ANKHD1: variants seen among roughly 807,000 people sequenced by gnomAD.
ANKHD1 encodes ankyrin repeat and KH domain-containing protein 1.
Under a neutral mutation model 230.5 loss-of-function variants are expected in ANKHD1, and 31 were observed. The observed-to-expected ratio is 0.13, with a 90% CI of 0.10 to 0.18. ANKHD1 has a LOEUF of 0.18. ANKHD1 is among the 10% of genes least tolerant of loss of function. ANKHD1 has a pLI of 1.00. For synonymous variants in ANKHD1, 1,074 were observed against 1,117.6 expected (o/e 0.96, Z 0.78); for missense variants, 2,256 against 3,071.3 (o/e 0.73, Z 6.27).
Position 140,529,024 on chromosome 5 carries a change from C to T in ANKHD1, c.6078C>T (p.Pro2026=), listed in dbSNP as rs749012441. Residue 2026 remains proline (P), a synonymous_variant, in exon 29 of 34, where the codon CCC becomes CCT. Coordinates refer to ENST00000360839, the MANE Select transcript of ANKHD1 (RefSeq NM_017747.3). The part of the protein sequence containing the change: ...QKMESFSAVP[P]TKEKVSTQDQ... ...TGGAGTCTTTCTCTGCTGTGCCACC[C>T]ACCAAAGAGAAAGTGTCCACACAGG... The T allele has an allele frequency of 6.2e-6, 10 of 1,614,144 alleles. No individual in the cohort carries two copies. The highest frequency in any genetic ancestry group is 5.1e-6 in the Non-Finnish European group (6 of 1,180,046).
At chr5:140,483,883 T>C (rs1033096242) in intron 11 of ANKHD1, among the ~76,000 whole-genome samples, 1 of 152,208 alleles carries the variant, frequency 6.6e-6, no homozygotes, top group South Asian at 2.1e-4. Context: ...GTAAAAGCTG[T>C]TTACCTCAAC....
intron 15 of ANKHD1, among the ~76,000 whole-genome samples, chr5:140,501,162 G>A (rs1429358894): frequency 2.8e-5 from 4 of 144,406 alleles, no homozygotes; most frequent in Admixed American, 7.2e-5. Context: ...TGCAACCTCC[G>A]CCTCCCAGGT....
intron 9 of ANKHD1, among the ~76,000 whole-genome samples, chr5:140,462,313 G>T (rs1287383193): frequency 6.6e-6 from 1 of 152,026 alleles, no homozygotes; most frequent in Non-Finnish European, 1.5e-5. Flanking sequence ...TTCCTTAGGG[G>T]TTACAAAGGG....
chr5:140,500,116 G>T (rs1032689676), intron 15 of ANKHD1, among the ~76,000 whole-genome samples: 3 of 152,018 alleles, frequency 2.0e-5, no homozygotes, highest in African/African-American at 4.8e-5. Flanking sequence ...TGATCCACCT[G>T]CATCGGCCTC....
intron 10 of ANKHD1, among the ~76,000 whole-genome samples, chr5:140,475,811 T>C (rs1416445475): frequency 6.6e-6 from 1 of 151,980 alleles, no homozygotes; most frequent in Admixed American, 6.6e-5. Context: ...GAAAAGAAAC[T>C]AAAACAAAAC....
chr5:140,450,620 G>A (rs1443025882), intron 7 of ANKHD1, among the ~76,000 whole-genome samples: 5 of 151,888 alleles, frequency 3.3e-5, no homozygotes, highest in Non-Finnish European at 5.9e-5. Flanking sequence ...GCTCATTACA[G>A]CCTGTACCTC....
chr5:140,426,525 TTTA>T (rs1772427778), intron 1 of ANKHD1, among the ~76,000 whole-genome samples: 1 of 151,074 alleles, frequency 6.6e-6, no homozygotes, highest in African/African-American at 2.5e-5. Context: ...TATTTATTTA[TTTA>T]TTTTTTTATT....
At chr5:140,459,417 G>C in intron 9 of ANKHD1, 62 bp downstream of exon 9, 1 of 1,442,520 alleles carries the variant, frequency 6.9e-7, no homozygotes, top group African/African-American at 1.4e-5. Flanking sequence ...GTTTATATGT[G>C]GAATCTAAAA....
chr5:140,473,059 C>T (rs1297762206), intron 10 of ANKHD1, among the ~76,000 whole-genome samples: 5 of 150,074 alleles, frequency 3.3e-5, no homozygotes, highest in Non-Finnish European at 5.9e-5. Context: ...AGAGTCTCGC[C>T]CTGTTGCCCA....
intron 29 of ANKHD1, 123 bp downstream of exon 29, chr5:140,529,919 T>C: frequency 7.2e-6 from 10 of 1,397,356 alleles, no homozygotes; most frequent in Non-Finnish European, 9.4e-6. Context: ...TTAGATTCTC[T>C]CTATGATTTT....
chr5:140,490,839 A>T (rs893986843), intron 14 of ANKHD1, among the ~76,000 whole-genome samples: 2 of 151,540 alleles, frequency 1.3e-5, no homozygotes, highest in African/African-American at 4.9e-5. Context: ...TCTTCCTTCC[A>T]GTTCTTGTCA....
At chr5:140,533,870 C>A (rs1753955805) in intron 29 of ANKHD1, among the ~76,000 whole-genome samples, 1 of 150,392 alleles carries the variant, frequency 6.6e-6, no homozygotes, top group South Asian at 2.1e-4. Flanking sequence ...TACTTACAGA[C>A]TTTTTAAAGC....
rs1282477647 is a variant in ANKHD1, at chr5:140,436,078, A to G, written c.307-26A>G. The G allele has an allele frequency of 3.3e-6, 5 of 1,507,770 alleles. No individual in the cohort carries two copies. In the East Asian group the frequency reaches 9.7e-5, roughly 29 times the overall value. 93.4% of individuals were successfully genotyped at this position (1,507,770 alleles called of 1,614,324 possible). The stretch of plus-strand genomic sequence containing the variant: ...AATCATATTGATATCAGTTTCATGG[A>G]TATTGCATCTTTATTTCATTAACAG... On this transcript the variant is annotated intron_variant, in intron 1 of 33. Transcript: ENST00000360839.
intron 29 of ANKHD1, among the ~76,000 whole-genome samples, chr5:140,533,775 CAAAAAAAAAAA>C (rs1167136822): frequency 1.0e-4 from 3 of 29,662 alleles, no homozygotes; most frequent in African/African-American, 2.2e-4. Context: ...GACCCTGTCT[CAAAAAAAAAAA>C]AAAAAAAAAA....
chr5:140,471,475 C>T (rs1776493668), intron 10 of ANKHD1, among the ~76,000 whole-genome samples: 1 of 152,128 alleles, frequency 6.6e-6, no homozygotes. Flanking sequence ...TAACAGTTAG[C>T]TTCTTAAAAT....
In ANKHD1 at chr5:140,527,751, TTCC is replaced by T; in HGVS notation, c.5088-119_5088-117del. 1 of 1,203,676 alleles carries T rather than the reference TTCC, an allele frequency of 8.3e-7. No individual in the cohort carries two copies. Among genetic ancestry groups the T allele is most frequent in the Non-Finnish European group, 1.1e-6 (1 of 925,282 alleles). 74.6% of individuals were successfully genotyped at this position (1,203,676 alleles called of 1,614,324 possible). A position where few individuals can be genotyped will look rare whatever the true frequency, so the allele number is the denominator to read the frequency against. On this transcript the variant is annotated intron_variant, in intron 27 of 33. Coordinates refer to ENST00000360839, the MANE Select transcript of ANKHD1 (RefSeq NM_017747.3). This position sits in a 1 kb window ranked among gnomAD's most constrained non-coding sequence, Gnocchi z 4.5. ...TTCTAAAATAAAAACTTTTAATAATTTCCTCTTTAGCATTTAAGAAATGTTATT... is the reference window on the plus strand; with the variant it reads ...TTCTAAAATAAAAACTTTTAATAATTTCTTTAGCATTTAAGAAATGTTATT...
chr5:140,512,248 A>C (rs1752804762), intron 22 of ANKHD1, among the ~76,000 whole-genome samples: 1 of 152,054 alleles, frequency 6.6e-6, no homozygotes, highest in Non-Finnish European at 1.5e-5. Context: ...AAAAAAAAAA[A>C]AAAAAAGATA....
intron 1 of ANKHD1, among the ~76,000 whole-genome samples, chr5:140,411,854 G>C (rs1355580913): frequency 6.7e-6 from 1 of 149,818 alleles, no homozygotes; most frequent in Non-Finnish European, 1.5e-5. Context: ...TTTGAGACAG[G>C]GTCCCGTTAT....
rs968649625 is a variant in ANKHD1 at position 140,529,684 on chromosome 5, G to T, written c.6738G>T (p.Gln2246His). Residue 2246 changes from glutamine (Q) to histidine (H), a missense_variant, in exon 29 of 34, where the codon CAG becomes CAT. Around this residue, in one of 13 missense-constraint regions of ANKHD1, gnomAD observed 778 missense variants for 966.5 expected, o/e 0.80. Coordinates refer to ENST00000360839, the MANE Select transcript of ANKHD1 (RefSeq NM_017747.3). ...RVATDASFTV[Q>H]SAFLGNSVLG... is the part of the protein sequence containing the mutation. ...CTACAGATGCCTCTTTCACTGTTCA[G>T]TCAGCGTTCCTGGGTAACTCAGTGC... 1 of 1,614,194 alleles carries T rather than the reference G, an allele frequency of 6.2e-7. No individual in the cohort carries two copies. The highest frequency in any genetic ancestry group is 8.5e-7 in the Non-Finnish European group (1 of 1,180,050).
Sources: gnomAD v4.1 joint callset for allele counts (sites outside exome capture counted in the v4.1 genomes callset) on GRCh38, gnomAD v4.1.1 for gene constraint, gnomAD v4.1.1 regional missense constraint, Gnocchi (gnomAD v3.1) non-coding constraint, MANE v1.5 for transcripts, NCBI Gene and HGNC (gene_info 2026-07-23, HGNC 2026-07-21) for gene names.